MYO1E: variants seen among roughly 807,000 people sequenced by gnomAD.
MYO1E encodes the protein unconventional myosin-Ie.
In MYO1E, 68 loss-of-function variants were observed where a neutral mutation model predicts 151.1. That is an observed-to-expected ratio of 0.45 (90% CI 0.37 to 0.55). MYO1E has a LOEUF of 0.55. Among genes scored for constraint, MYO1E ranks in the 20% least tolerant of loss-of-function variants. The pLI, the probability that MYO1E is intolerant of heterozygous loss-of-function variation, is 0.00. For missense variants in MYO1E, 1,363 were observed against 1,389.3 expected (o/e 0.98, Z 0.30); for synonymous variants, 601 against 501.7 (o/e 1.20, Z -2.64).
In MYO1E at chr15:59,372,519, C is replaced by A. The variant is rs532748683; in HGVS notation, c.-19G>T. The A allele has an allele frequency of 9.8e-6, 15 of 1,535,372 alleles. No homozygotes were observed. In the Admixed American group the frequency reaches 2.2e-4, roughly 22 times the overall value. ...TCACCATGGTGACTCGCGCCGCGGT[C>A]GCGTCTTCGCCGGGTCCCGCTGCCG... On this transcript the variant is annotated 5_prime_UTR_variant, in exon 1 of 28. Transcript: ENST00000288235.
chr15:59,216,594 GTATC>G (rs1290267352), intron 10 of MYO1E, among the ~76,000 whole-genome samples: 24 of 100,476 alleles, frequency 2.4e-4, no homozygotes, highest in South Asian at 1.1e-3. Context: ...GTGTGTGTGT[GTATC>G]TATCTATCTA....
intron 27 of MYO1E, 142 bp downstream of exon 27, chr15:59,138,056 G>C (rs1383279316): frequency 6.1e-6 from 6 of 986,404 alleles, no homozygotes; most frequent in Non-Finnish European, 9.6e-6. Flanking sequence ...GTCTTGATCA[G>C]ACTGAGCCTG....
At chr15:59,290,863 G>A (rs1428001895) in intron 1 of MYO1E, among the ~76,000 whole-genome samples, 2 of 152,210 alleles carry the variant, frequency 1.3e-5, no homozygotes, top group African/African-American at 4.8e-5. Context: ...ACAGGAATGA[G>A]AGTCAAAGGT....
rs559391230 is a variant in MYO1E at position 59,211,388 on chromosome 15, C to A, written c.1276-788G>T. On this transcript the variant is annotated intron_variant, in intron 12 of 27. Coordinates refer to ENST00000288235, the MANE Select transcript of MYO1E (RefSeq NM_004998.4). Reference sequence around the variant, plus strand: ...TTGCCAGGTCTTTCTTATTTCCAGACCTTTATATGTGGTAGAGTCTCAGGG... The same window carrying A: ...TTGCCAGGTCTTTCTTATTTCCAGAACTTTATATGTGGTAGAGTCTCAGGG... 2.2e-4 allele frequency among the ~76,000 whole-genome samples: 34 copies of A among 152,028 alleles called. 1 individual carries two copies. Among genetic ancestry groups the A allele is most frequent in the Non-Finnish European group, 4.4e-4 (30 of 68,008 alleles).
chr15:59,301,112 T>C (rs2080480246), intron 1 of MYO1E, among the ~76,000 whole-genome samples: 1 of 152,102 alleles, frequency 6.6e-6, no homozygotes, highest in Non-Finnish European at 1.5e-5. Context: ...AGGTGATACG[T>C]CTGCCTCGAC....
chr15:59,367,094 C>T (rs1429355785), intron 1 of MYO1E, among the ~76,000 whole-genome samples: 1 of 151,032 alleles, frequency 6.6e-6, no homozygotes, highest in Admixed American at 6.6e-5. Context: ...CTTATAATAC[C>T]TTGCACTTAC....
intron 9 of MYO1E, among the ~76,000 whole-genome samples, chr15:59,219,468 C>T (rs2079940478): frequency 6.6e-6 from 1 of 152,186 alleles, no homozygotes; most frequent in Non-Finnish European, 1.5e-5. Context: ...AAAGGATAAT[C>T]TGTTTGAATT....
chr15:59,372,497 C>G lies in MYO1E; in HGVS notation c.3+1G>C, dbSNP rs543195936. ...CCTAGGACGCGGCGCGGCCAACTCA[C>G]CATGGTGACTCGCGCCGCGGTCGCG... On this transcript the variant is annotated splice_donor_variant, in intron 1 of 27. Transcript: ENST00000288235. LOFTEE classifies it high-confidence loss of function. The G allele has an allele frequency of 2.0e-6, 3 of 1,538,288 alleles. No individual in the cohort carries two copies. The highest frequency in any genetic ancestry group is 2.0e-5 in the Admixed American group (1 of 50,874).
In MYO1E at chr15:59,231,609, A is replaced by C. The variant is rs2080028451; in HGVS notation, c.510+93T>G. The C allele has an allele frequency of 3.0e-6, 4 of 1,317,170 alleles. No homozygotes were observed. The Admixed American group carries it at 5.1e-5, about 17-fold the overall frequency. 81.6% of individuals were successfully genotyped at this position (1,317,170 alleles called of 1,614,324 possible). On this transcript the variant is annotated intron_variant, in intron 6 of 27. Transcript: ENST00000288235. Reference sequence around the variant, plus strand: ...GAGGTGGCCTCCTGATGATATGTGAAAGGCTCCCATTTCCTGTGGGATACT... The same window carrying C: ...GAGGTGGCCTCCTGATGATATGTGACAGGCTCCCATTTCCTGTGGGATACT...
intron 6 of MYO1E, among the ~76,000 whole-genome samples, chr15:59,229,799 C>T (rs575380003): frequency 3.3e-4 from 50 of 151,980 alleles, no homozygotes; most frequent in African/African-American, 1.2e-3. Context: ...CATTCTCTTG[C>T]TAAATAATTA....
At chr15:59,329,191 G>A (rs909787647) in intron 1 of MYO1E, among the ~76,000 whole-genome samples, 2 of 152,178 alleles carry the variant, frequency 1.3e-5, no homozygotes, top group Non-Finnish European at 2.9e-5. Context: ...TGGAGGCACT[G>A]GGAAGACAGC....
chr15:59,289,331 A>C (rs562066808), intron 1 of MYO1E, among the ~76,000 whole-genome samples: 1 of 152,380 alleles, frequency 6.6e-6, no homozygotes, highest in African/African-American at 2.4e-5. Context: ...CTCAAATAAT[A>C]AGTAATACCA....
chr15:59,141,879 G>A (rs1312852799), intron 26 of MYO1E, among the ~76,000 whole-genome samples: 2 of 151,760 alleles, frequency 1.3e-5, no homozygotes, highest in Non-Finnish European at 2.9e-5. Flanking sequence ...AGGCCGAGGT[G>A]GGTGGATCAT....
intron 1 of MYO1E, among the ~76,000 whole-genome samples, chr15:59,284,317 T>C (rs1476343252): frequency 6.6e-6 from 1 of 152,202 alleles, no homozygotes; most frequent in African/African-American, 2.4e-5. Context: ...TTCCAAGGCG[T>C]TCCTATTTGC....
intron 24 of MYO1E, among the ~76,000 whole-genome samples, chr15:59,160,241 C>G (rs1017039882): frequency 6.6e-6 from 1 of 151,358 alleles, no homozygotes; most frequent in African/African-American, 2.4e-5. Context: ...TATGATTATT[C>G]TATGCTGTGT....
At chr15:59,267,357 C>CCCAAAA (rs1356924135) in intron 2 of MYO1E, among the ~76,000 whole-genome samples, 1 of 152,202 alleles carries the variant, frequency 6.6e-6, no homozygotes, top group East Asian at 1.9e-4. Context: ...CAGTGAATTT[C>CCCAAAA]CCAAAACCAC....
At chr15:59,309,813 T>C (rs1172017177) in intron 1 of MYO1E, among the ~76,000 whole-genome samples, 4 of 152,196 alleles carry the variant, frequency 2.6e-5, no homozygotes, top group African/African-American at 9.7e-5. Flanking sequence ...ATAACTTAAG[T>C]GGGTAGAGAC....
At position 59,236,555 on chromosome 15, in the gene MYO1E, A is replaced by G. The variant is rs754917776; in HGVS notation, c.420+30T>C. Reference sequence around the variant, plus strand: ...AGCCTCTTACATTTCCCATAACATAAGGTATCATAATGGGCCACTGCCCAC... The same window carrying G: ...AGCCTCTTACATTTCCCATAACATAGGGTATCATAATGGGCCACTGCCCAC... On this transcript the variant is annotated intron_variant, in intron 5 of 27. Coordinates refer to ENST00000288235, the MANE Select transcript of MYO1E (RefSeq NM_004998.4). 13 of 1,548,456 alleles carry G rather than the reference A, an allele frequency of 8.4e-6. No individual in the cohort carries two copies. The South Asian group carries it at 1.4e-4, about 17-fold the overall frequency.
At chr15:59,259,536 G>A (rs1258518150) in intron 3 of MYO1E, among the ~76,000 whole-genome samples, 2 of 152,022 alleles carry the variant, frequency 1.3e-5, no homozygotes, top group African/African-American at 4.8e-5. Flanking sequence ...CCCTCATTTT[G>A]GGTTTCTGGT....
Sources: gnomAD v4.1 joint callset for allele counts (sites outside exome capture counted in the v4.1 genomes callset) on GRCh38, gnomAD v4.1.1 for gene constraint, MANE v1.5 for transcripts, NCBI Gene and HGNC (gene_info 2026-07-23, HGNC 2026-07-21) for gene names.